The following UNC79 variants were observed in gnomAD, a reference collection of about 807,000 sequenced individuals.
UNC79 encodes unc-79 subunit of NALCN channel complex.
Under a neutral mutation model 283.1 loss-of-function variants are expected in UNC79, and 37 were observed. The observed-to-expected ratio is 0.13, with a 90% CI of 0.10 to 0.17. UNC79 has a LOEUF of 0.17. UNC79 is among the 10% of genes least tolerant of loss of function. The pLI is 1.00. For missense variants in UNC79, 2,272 were observed against 3,211.1 expected, an observed-to-expected ratio of 0.71 and a Z score of 7.07; for synonymous variants, 1,107 against 1,200.2, an observed-to-expected ratio of 0.92 and a Z score of 1.61.
chr14:93,593,631 G>A (rs1307667223), intron 22 of UNC79, 49 bp from the exon 23 acceptor site: 1 of 1,565,614 alleles, frequency 6.4e-7, no homozygotes, highest in Non-Finnish European at 8.6e-7. Flanking sequence ...ATCTTTTTCT[G>A]GAAAAGTTGT....
At chr14:93,627,472 A>C (rs763905194) in intron 30 of UNC79, among the ~76,000 whole-genome samples, 5 of 152,212 alleles carry the variant, frequency 3.3e-5, no homozygotes, top group Non-Finnish European at 7.3e-5. Context: ...GGATTGGCCA[A>C]GGCTGGGTGG....
At chr14:93,338,400 G>A (rs578179704) in intron 1 of UNC79, among the ~76,000 whole-genome samples, 16 of 152,216 alleles carry the variant, frequency 1.1e-4, no homozygotes, top group Admixed American at 3.9e-4. Context: ...AGAACTGTGA[G>A]CCAATTAAAC....
chr14:93,532,820 A>G lies in UNC79; in HGVS notation c.1122+242A>G, dbSNP rs557950631. 3.9e-5 allele frequency among the ~76,000 whole-genome samples: 6 copies of G among 152,346 alleles called. No individual in the cohort carries two copies. In the South Asian group the frequency reaches 1.0e-3, roughly 26 times the overall value. On this transcript the variant is annotated intron_variant, in intron 11 of 48. Coordinates refer to ENST00000555664, the Ensembl canonical transcript of UNC79. Reference sequence around the variant, plus strand: ...TGCTTTTGTTCAGTAATTTGCAATAAAAGCCTATGTGTAATTCTGGGATAG... The same window carrying G: ...TGCTTTTGTTCAGTAATTTGCAATAGAAGCCTATGTGTAATTCTGGGATAG...
intron 31 of UNC79, among the ~76,000 whole-genome samples, chr14:93,632,438 G>A (rs895293729): frequency 1.8e-4 from 27 of 152,302 alleles, no homozygotes; most frequent in African/African-American, 5.1e-4. Flanking sequence ...GGTGGCTCAC[G>A]CCTGTAATCC....
chr14:93,647,025 G>A (rs2069689068), intron 35 of UNC79, among the ~76,000 whole-genome samples: 1 of 152,112 alleles, frequency 6.6e-6, no homozygotes, highest in Admixed American at 6.5e-5. Context: ...TAGACACTCA[G>A]GCCTTCACTG....
chr14:93,472,473 CAA>C (rs35029536), intron 2 of UNC79, among the ~76,000 whole-genome samples: 9 of 151,866 alleles, frequency 5.9e-5, no homozygotes, highest in African/African-American at 1.9e-4. Context: ...CTTTAAATTA[CAA>C]AAAAAAATCT....
At chr14:93,367,366 A>C (rs2054357584) in intron 1 of UNC79, among the ~76,000 whole-genome samples, 1 of 152,220 alleles carries the variant, frequency 6.6e-6, no homozygotes, top group African/African-American at 2.4e-5. Flanking sequence ...GTGTCGTGGT[A>C]AAAGTGGATG....
intron 7 of UNC79, among the ~76,000 whole-genome samples, chr14:93,504,475 G>A (rs1251270848): frequency 1.3e-5 from 2 of 151,772 alleles, no homozygotes; most frequent in Non-Finnish European, 2.9e-5. Flanking sequence ...CATGAACATG[G>A]TATATCTCTT....
chr14:93,436,327 A>T (rs983735052), intron 1 of UNC79, among the ~76,000 whole-genome samples: 46 of 152,344 alleles, frequency 3.0e-4, no homozygotes, highest in African/African-American at 1.1e-3. Context: ...TATATTTGCT[A>T]AATCAAATGT....
At chr14:93,493,899 ATAT>A (rs1391657442) in intron 5 of UNC79, among the ~76,000 whole-genome samples, 17 of 60,288 alleles carry the variant, frequency 2.8e-4, no homozygotes, top group East Asian at 2.3e-3. Flanking sequence ...ATATATATAT[ATAT>A]TTTTTTTTTT....
chr14:93,648,019 T>G (rs1596227045), intron 35 of UNC79, among the ~76,000 whole-genome samples: 1 of 152,200 alleles, frequency 6.6e-6, no homozygotes, highest in East Asian at 1.9e-4. Context: ...TATCTCCCAC[T>G]GGGCCCCTCC....
chr14:93,648,805 A>G (rs775236336), intron 35 of UNC79, among the ~76,000 whole-genome samples: 1 of 152,234 alleles, frequency 6.6e-6, no homozygotes, highest in African/African-American at 2.4e-5. Flanking sequence ...AGGAGGAACT[A>G]TGAAAAAGCC....
chr14:93,577,292 G>A (rs906667492), intron 17 of UNC79, among the ~76,000 whole-genome samples: 8 of 152,192 alleles, frequency 5.3e-5, no homozygotes, highest in Admixed American at 3.9e-4. Context: ...CTCAGTCCAC[G>A]ACTTCTTGGG....
intron 14 of UNC79, among the ~76,000 whole-genome samples, chr14:93,562,619 T>C (rs1394801831): frequency 6.6e-6 from 1 of 152,136 alleles, no homozygotes; most frequent in African/African-American, 2.4e-5. Context: ...GTAAGAGATA[T>C]GAAGGTTCCA....
intron 1 of UNC79, among the ~76,000 whole-genome samples, chr14:93,365,730 G>A (rs2054315813): frequency 6.6e-6 from 1 of 152,062 alleles, no homozygotes; most frequent in African/African-American, 2.4e-5. Flanking sequence ...AAAGACGAAG[G>A]AATTAGAAAC....
intron 42 of UNC79, among the ~76,000 whole-genome samples, chr14:93,684,522 T>C (rs887352980): frequency 5.3e-5 from 8 of 151,860 alleles, no homozygotes; most frequent in Non-Finnish European, 1.2e-4. Context: ...AAATAATATT[T>C]AATTAATTGG....
intron 7 of UNC79, among the ~76,000 whole-genome samples, chr14:93,513,276 T>C (rs1595708451): frequency 1.4e-5 from 2 of 141,912 alleles, no homozygotes; most frequent in Non-Finnish European, 3.0e-5. Flanking sequence ...TGGAGTGCAA[T>C]GGCATCACAA....
At chr14:93,599,928 G>A (rs1389863578) in intron 24 of UNC79, among the ~76,000 whole-genome samples, 10 of 152,222 alleles carry the variant, frequency 6.6e-5, no homozygotes, top group Admixed American at 2.0e-4. Flanking sequence ...GCAGCTGGGC[G>A]TGGTGGCTCG....
chr14:93,652,548 CTG>C lies in UNC79; in HGVS notation c.6084-1191_6084-1190del, dbSNP rs940633965. On this transcript the variant is annotated intron_variant, in intron 35 of 48. Transcript: ENST00000555664. ...ATGCTGGGATTACAGGCGATAGTCA[CTG>C]TGCCTGGCCCAGTCTGAGTTTTTGT... Among the ~76,000 whole-genome samples the C allele has an allele frequency of 1.1e-4, 16 of 152,354 alleles. No homozygotes were observed. The East Asian group carries it at 2.1e-3, about 20-fold the overall frequency.
Sources: gnomAD v4.1 joint callset for allele counts (sites outside exome capture counted in the v4.1 genomes callset) on GRCh38, gnomAD v4.1.1 for gene constraint, MANE v1.5 for transcripts, NCBI Gene and HGNC (gene_info 2026-07-23, HGNC 2026-07-21) for gene names.